The following FAM135A variants were observed in gnomAD, a reference collection of about 807,000 sequenced individuals.
FAM135A encodes family with sequence similarity 135 member A.
Under a neutral mutation model 146.8 loss-of-function variants are expected in FAM135A, and 79 were observed. The ratio of observed to expected loss-of-function variants is 0.54; its 90% CI spans 0.45 to 0.65. FAM135A has a LOEUF of 0.65. FAM135A is among the 30% of genes least tolerant of loss of function. FAM135A has a pLI of 0.00. For synonymous variants in FAM135A, 562 were observed against 603.6 expected, an observed-to-expected ratio of 0.93 and a Z score of 1.01; for missense variants, 1,623 against 1,758.2, an observed-to-expected ratio of 0.92 and a Z score of 1.38.
At chr6:70,437,655 T>A (rs907908897) in intron 4 of FAM135A, among the ~76,000 whole-genome samples, 1 of 152,110 alleles carries the variant, frequency 6.6e-6, no homozygotes, top group African/African-American at 2.4e-5. Flanking sequence ...ATTTACTTAT[T>A]CTGAATAGAT....
At chr6:70,473,618 C>T (rs1782036902) in intron 5 of FAM135A, among the ~76,000 whole-genome samples, 1 of 152,086 alleles carries the variant, frequency 6.6e-6, no homozygotes, top group Non-Finnish European at 1.5e-5. Flanking sequence ...ATGTGCCAAT[C>T]TCCTGTCACT....
intron 12 of FAM135A, among the ~76,000 whole-genome samples, chr6:70,518,626 TG>T (rs1426446291): frequency 1.3e-5 from 2 of 152,158 alleles, no homozygotes; most frequent in African/African-American, 4.8e-5. Flanking sequence ...ACTGGTGCCT[TG>T]AAGTTGAAGC....
chr6:70,540,971 G>C (rs1797809684), intron 20 of FAM135A, among the ~76,000 whole-genome samples: 1 of 152,040 alleles, frequency 6.6e-6, no homozygotes, highest in African/African-American at 2.4e-5. Flanking sequence ...AGTTAGCTTT[G>C]CTTTTGCTTT....
At chr6:70,502,865 A>C in intron 12 of FAM135A, 74 bp downstream of exon 12, 1 of 1,455,926 alleles carries the variant, frequency 6.9e-7, no homozygotes, top group Non-Finnish European at 9.3e-7. Context: ...TATGAAAACA[A>C]ACCTGATTTT....
chr6:70,464,833 A>AT (rs67408160), intron 5 of FAM135A, among the ~76,000 whole-genome samples: 706 of 64,312 alleles, frequency 0.011, 52 homozygotes, highest in Non-Finnish European at 0.013. Context: ...CGCCTGGCCA[A>AT]TTTTTTTTTT....
At chr6:70,508,160 G>A (rs574527395) in intron 12 of FAM135A, among the ~76,000 whole-genome samples, 1 of 152,290 alleles carries the variant, frequency 6.6e-6, no homozygotes, top group Non-Finnish European at 1.5e-5. Flanking sequence ...ATAATGCACA[G>A]CAAGCTTTAT....
chr6:70,512,451 A>C (rs1042883185), intron 12 of FAM135A, among the ~76,000 whole-genome samples: 2 of 151,628 alleles, frequency 1.3e-5, no homozygotes, highest in Non-Finnish European at 3.0e-5. Context: ...TTTTTCCAAA[A>C]TGGCTATACA....
At chr6:70,442,369 T>C (rs146384437) in intron 4 of FAM135A, among the ~76,000 whole-genome samples, 422 of 152,106 alleles carry the variant, frequency 2.8e-3, no homozygotes, top group African/African-American at 9.4e-3. Context: ...AATTTATTTG[T>C]TTTAGTGTTG....
At position 70,438,435 on chromosome 6, in the gene FAM135A, A is replaced by G. The variant is rs1773710198; in HGVS notation, c.77+10016A>G. 2.0e-5 allele frequency among the ~76,000 whole-genome samples: 3 copies of G among 152,236 alleles called. No homozygotes were observed. In the South Asian group the frequency reaches 6.2e-4, roughly 32 times the overall value. The stretch of plus-strand genomic sequence containing the variant: ...ATTGCACACCATTCTGAATAGCAGG[A>G]TGAAATCGTGCACGTCCCTCTTCGT... On this transcript the variant is annotated intron_variant, in intron 4 of 21. Coordinates refer to ENST00000418814, the MANE Select transcript of FAM135A (RefSeq NM_001162529.3).
At chr6:70,514,151 T>A (rs1045080075) in intron 12 of FAM135A, among the ~76,000 whole-genome samples, 1 of 152,114 alleles carries the variant, frequency 6.6e-6, no homozygotes, top group Non-Finnish European at 1.5e-5. Context: ...ATATGTATAT[T>A]ATATCATTTG....
Position 70,477,217 on chromosome 6 carries a change from A to G in FAM135A, c.427A>G (p.Ser143Gly). ...TAGCCGAACATTGAAGCTGCACTTT[A>G]GCCCCCATAGAGGCCTTCATCATCA... ...ISSRTLKLHF[S>G]PHRGLHHHVN... The change falls in exon 8 of 22, where the codon AGC (serine) becomes GGC (glycine). Residue 143 changes from serine to glycine, a missense_variant. Physicochemically the swap from Ser to Gly is moderately conservative, Grantham distance 56. Around this residue, in one of 7 missense-constraint regions of FAM135A, gnomAD observed 171 missense variants for 164.9 expected, o/e 1.04. Transcript: ENST00000418814. 1 of 1,613,664 alleles carries G rather than the reference A, an allele frequency of 6.2e-7. No homozygotes were observed. Among genetic ancestry groups the G allele is most frequent in the South Asian group, 1.1e-5 (1 of 91,056 alleles).
intron 20 of FAM135A, among the ~76,000 whole-genome samples, chr6:70,549,689 A>G (rs1471975179): frequency 6.6e-6 from 1 of 152,158 alleles, no homozygotes; most frequent in Non-Finnish European, 1.5e-5. Context: ...CCTTCAGTTA[A>G]TCATAATGTT....
chr6:70,525,711 C>T lies in FAM135A; in HGVS notation c.2627C>T (p.Thr876Met), dbSNP rs61742959. 441 of 1,612,712 alleles carry T rather than the reference C, an allele frequency of 2.7e-4. 1 individual carries two copies. The African/African-American group carries it at 4.7e-3, about 17-fold the overall frequency. ...AGCAAAACTGTATTAAATCTAGGAA[C>T]GACTGATTTGCCAAAATGTGATGAT... is the stretch of plus-strand genomic sequence containing the variant. ...NDSKTVLNLGTTDLPKCDDTK... is the reference protein window; with the variant it reads ...NDSKTVLNLGMTDLPKCDDTK... Residue 876 changes from threonine to methionine, a missense_variant, in exon 15 of 22, where the codon ACG becomes ATG. Thr to Met is a moderately conservative substitution (Grantham distance 81). Around this residue, in one of 7 missense-constraint regions of FAM135A, gnomAD observed 1,061 missense variants for 1,113.8 expected, o/e 0.95. Coordinates refer to ENST00000418814, the MANE Select transcript of FAM135A (RefSeq NM_001162529.3).
chr6:70,478,300 TACA>T (rs1282603955), intron 8 of FAM135A, among the ~76,000 whole-genome samples: 1 of 152,204 alleles, frequency 6.6e-6, no homozygotes, highest in Non-Finnish European at 1.5e-5. Flanking sequence ...CTTCAGTTTT[TACA>T]ACATCATCCT....
At chr6:70,480,319 A>G (rs1783464519) in intron 8 of FAM135A, among the ~76,000 whole-genome samples, 1 of 152,136 alleles carries the variant, frequency 6.6e-6, no homozygotes, top group Non-Finnish European at 1.5e-5. Context: ...AAAAAATAAA[A>G]ATTAGCCAAG....
chr6:70,427,806 CTT>C (rs1278357425), intron 3 of FAM135A, among the ~76,000 whole-genome samples: 1 of 152,126 alleles, frequency 6.6e-6, no homozygotes, highest in Non-Finnish European at 1.5e-5. Context: ...GAAAAAATCT[CTT>C]TCTCTTTAAA....
chr6:70,483,156 A>C (rs1399764355), intron 10 of FAM135A, among the ~76,000 whole-genome samples: 1 of 152,110 alleles, frequency 6.6e-6, no homozygotes, highest in African/African-American at 2.4e-5. Context: ...TTTCTACCCC[A>C]CTTAAATTCA....
intron 20 of FAM135A, among the ~76,000 whole-genome samples, chr6:70,552,003 G>C (rs1426811475): frequency 6.6e-6 from 1 of 152,074 alleles, no homozygotes; most frequent in African/African-American, 2.4e-5. Flanking sequence ...CTCAATGCAG[G>C]GTTACCACCT....
At position 70,557,064 on chromosome 6, in the gene FAM135A, A is replaced by T. The variant is rs568594318; in HGVS notation, c.4342+201A>T. ...CCTTTACCAATGAAGTAATACTTTC[A>T]TCTAATTACAAATGCCTCTCCATTT... On this transcript the variant is annotated intron_variant, in intron 21 of 21. Coordinates refer to ENST00000418814, the MANE Select transcript of FAM135A (RefSeq NM_001162529.3). The T allele has an allele frequency of 7.0e-6, 4 of 572,994 alleles. No individual in the cohort carries two copies. The East Asian group carries it at 1.1e-4, about 16-fold the overall frequency. The allele number at this position is 572,994 out of a possible 1,614,324, so 35.5% of individuals were successfully genotyped here. A position where few individuals can be genotyped will look rare whatever the true frequency, so the allele number is the denominator to read the frequency against.
Sources: allele counts gnomAD v4.1 joint callset (sites outside exome capture counted in the v4.1 genomes callset), GRCh38; gene constraint gnomAD v4.1.1; regional missense constraint gnomAD v4.1.1; transcripts MANE v1.5; gene names NCBI Gene and HGNC (gene_info 2026-07-23, HGNC 2026-07-21).